FRMD4A: variants seen among roughly 807,000 people sequenced by gnomAD.
FRMD4A encodes the protein FERM domain-containing protein 4A.
A neutral mutation model predicts 129.1 loss-of-function variants in FRMD4A; 29 were observed. The ratio of observed to expected loss-of-function variants is 0.22; its 90% CI spans 0.17 to 0.31. The LOEUF (loss-of-function observed/expected upper bound fraction) is 0.31, where lower values mean the gene tolerates loss of function less well. Ranked by LOEUF, FRMD4A falls within the 10% of genes least tolerant of loss-of-function variation. The pLI is 1.00. For missense variants in FRMD4A, 1,272 were observed against 1,375.8 expected, an observed-to-expected ratio of 0.92 and a Z score of 1.19; for synonymous variants, 634 against 571.6, an observed-to-expected ratio of 1.11 and a Z score of -1.56.
Position 14,311,751 on chromosome 10 carries a change from G to T in FRMD4A, c.45+18307C>A, listed in dbSNP as rs77073990. On this transcript the variant is annotated intron_variant, in intron 2 of 24. Coordinates refer to ENST00000357447, the MANE Select transcript of FRMD4A (RefSeq NM_018027.5). ...CAAGCCAACCCCCATCTGTCTCTCA[G>T]AGGTTCCTGACGACTCCTATGCAAA... is the stretch of plus-strand genomic sequence containing the variant. Among the ~76,000 whole-genome samples, 1,371 of 152,126 alleles carry T rather than the reference G, an allele frequency of 9.0e-3. 19 individuals carry two copies. Among genetic ancestry groups the T allele is most frequent in the African/African-American group, 0.032 (1,307 of 41,482 alleles).
At chr10:14,038,473 C>A (rs1833611691) in intron 2 of FRMD4A, among the ~76,000 whole-genome samples, 1 of 152,136 alleles carries the variant, frequency 6.6e-6, no homozygotes, top group African/African-American at 2.4e-5. Context: ...AAACAAAGGG[C>A]AATTCATCCA....
intron 2 of FRMD4A, among the ~76,000 whole-genome samples, chr10:14,184,297 A>C (rs955333412): frequency 1.0e-4 from 9 of 86,110 alleles, no homozygotes; most frequent in African/African-American, 3.9e-4. Context: ...ACAACCGGTT[A>C]ATTTTTTTTT....
chr10:13,700,792 G>T (rs909181061), intron 14 of FRMD4A, among the ~76,000 whole-genome samples: 1 of 135,672 alleles, frequency 7.4e-6, no homozygotes, highest in Admixed American at 7.8e-5. Flanking sequence ...CCAGGCTCTA[G>T]GTCTACCTTA....
chr10:13,919,940 A>AAAAC (rs752362585), intron 2 of FRMD4A, among the ~76,000 whole-genome samples: 29 of 152,294 alleles, frequency 1.9e-4, no homozygotes, highest in East Asian at 1.3e-3. Flanking sequence ...CCTGTCTCAA[A>AAAAC]AAACAAACAA....
rs371771329 is a variant in FRMD4A, at chr10:13,693,965, C to T, written c.1050G>A (p.Ser350=). Residue 350 remains serine (S), a synonymous_variant, in exon 15 of 25, where the codon TCG becomes TCA. Transcript: ENST00000357447. ...DLTETGTLKT[S]KLANMGSKGK... ...CCTTGCTACCCATGTTGGCCAGCTT[C>T]GAGGTCTTCAGCGTCCCCGTCTCGG... is the stretch of plus-strand genomic sequence containing the variant. 1.8e-4 allele frequency: 291 copies of T among 1,583,892 alleles called. No homozygotes were observed. Among genetic ancestry groups the T allele is most frequent in the Non-Finnish European group, 1.2e-4 (142 of 1,168,542 alleles).
intron 2 of FRMD4A, among the ~76,000 whole-genome samples, chr10:14,046,653 T>C (rs889470682): frequency 3.3e-5 from 5 of 152,210 alleles, no homozygotes; most frequent in Non-Finnish European, 5.9e-5. Context: ...CCTGACTTAA[T>C]AGAGAAAATC....
intron 2 of FRMD4A, among the ~76,000 whole-genome samples, chr10:14,037,358 C>G (rs1231945462): frequency 6.6e-6 from 1 of 152,152 alleles, no homozygotes; most frequent in Non-Finnish European, 1.5e-5. Flanking sequence ...GCTGGGATTA[C>G]AGATGGGCAC....
intron 12 of FRMD4A, among the ~76,000 whole-genome samples, chr10:13,716,343 C>T (rs1340847900): frequency 2.0e-5 from 3 of 152,170 alleles, no homozygotes; most frequent in Non-Finnish European, 4.4e-5. Flanking sequence ...CAGTCTTACA[C>T]AGAACAGAGT....
At chr10:14,234,224 GAAA>G (rs11347904) in intron 2 of FRMD4A, among the ~76,000 whole-genome samples, 2 of 151,340 alleles carry the variant, frequency 1.3e-5, no homozygotes, top group Non-Finnish European at 2.9e-5. Context: ...GGAAGAAGAA[GAAA>G]AAAAAAAACC....
intron 2 of FRMD4A, among the ~76,000 whole-genome samples, chr10:14,000,695 CT>C (rs34567224): frequency 0.27 from 40,215 of 146,314 alleles, 6,825 homozygotes; most frequent in East Asian, 0.73. Flanking sequence ...CCCCTTTCTC[CT>C]TGAGAACACG....
intron 2 of FRMD4A, among the ~76,000 whole-genome samples, chr10:13,938,882 C>G (rs913741717): frequency 6.6e-6 from 1 of 152,070 alleles, no homozygotes; most frequent in African/African-American, 2.4e-5. Flanking sequence ...TCCCAAATGT[C>G]AATAGTACCA....
At chr10:14,290,419 A>C (rs1217938975) in intron 2 of FRMD4A, among the ~76,000 whole-genome samples, 2 of 152,080 alleles carry the variant, frequency 1.3e-5, no homozygotes, top group African/African-American at 4.8e-5. Context: ...TCAGAAATGA[A>C]TGCATATTTA....
chr10:13,653,196 C>G (rs2081821351), intron 23 of FRMD4A: 1 of 151,902 alleles, frequency 6.6e-6, no homozygotes, highest in South Asian at 2.1e-4. Context: ...TCCAGAAAAC[C>G]TGGTGTAAAA....
intron 20 of FRMD4A, among the ~76,000 whole-genome samples, chr10:13,660,086 A>G (rs1281365776): frequency 6.6e-6 from 1 of 152,234 alleles, no homozygotes; most frequent in African/African-American, 2.4e-5. Flanking sequence ...ACCATCTGCC[A>G]TCACGTTGAT....
chr10:14,207,953 C>A (rs780807818), intron 2 of FRMD4A, among the ~76,000 whole-genome samples: 10 of 152,096 alleles, frequency 6.6e-5, no homozygotes, highest in Non-Finnish European at 1.5e-4. Flanking sequence ...GTAATCCTAG[C>A]ACTTTGGGAG....
chr10:13,724,448 CAA>C (rs2089729273), intron 12 of FRMD4A, among the ~76,000 whole-genome samples: 1 of 151,956 alleles, frequency 6.6e-6, no homozygotes, highest in East Asian at 1.9e-4. Context: ...ATTATCCTAG[CAA>C]AGTCTTCTGT....
intron 2 of FRMD4A, among the ~76,000 whole-genome samples, chr10:13,976,953 A>T (rs2095544020): frequency 6.6e-6 from 1 of 152,330 alleles, no homozygotes; most frequent in African/African-American, 2.4e-5. Context: ...GGTAAAGGAC[A>T]ATTTCTCCAA....
At chr10:14,087,922 G>A (rs1312908575) in intron 2 of FRMD4A, among the ~76,000 whole-genome samples, 1 of 152,228 alleles carries the variant, frequency 6.6e-6, no homozygotes, top group Non-Finnish European at 1.5e-5. Context: ...ATGTTGCAGC[G>A]GCTTCTGCTG....
At chr10:14,308,278 T>C (rs1846419491) in intron 2 of FRMD4A, among the ~76,000 whole-genome samples, 1 of 152,246 alleles carries the variant, frequency 6.6e-6, no homozygotes, top group South Asian at 2.1e-4. Context: ...AATGACACTC[T>C]TTTAAATGAC....
Sources: gnomAD v4.1 joint callset for allele counts (sites outside exome capture counted in the v4.1 genomes callset) on GRCh38, gnomAD v4.1.1 for gene constraint, MANE v1.5 for transcripts, NCBI Gene and HGNC (gene_info 2026-07-23, HGNC 2026-07-21) for gene names.